Variants in YJEFN3 observed in about 807,000 individuals in gnomAD.
The protein encoded by YJEFN3 is YjeF N-terminal domain containing 3.
A neutral mutation model predicts 31.5 loss-of-function variants in YJEFN3; 29 were observed. That is an observed-to-expected ratio of 0.92 (90% CI 0.69 to 1.26). The LOEUF (loss-of-function observed/expected upper bound fraction) is 1.26. Among genes scored for constraint, YJEFN3 ranks in the 50% most tolerant of loss-of-function variants. YJEFN3 has a pLI of 0.00. For missense variants in YJEFN3, 442 were observed against 425.4 expected, an observed-to-expected ratio of 1.04 and a Z score of -0.34; for synonymous variants, 227 against 196.1, an observed-to-expected ratio of 1.16 and a Z score of -1.32.
chr19:19,533,816 G>A (rs951015867), intron 3 of YJEFN3: 5 of 985,420 alleles, frequency 5.1e-6, no homozygotes, highest in South Asian at 9.4e-5. Flanking sequence ...CTCGCCTGGC[G>A]CTCAGTGGCC....
rs1258622361 is a variant in YJEFN3 at position 19,528,940 on chromosome 19, G to A, written c.8G>A (p.Ser3Asn). The A allele has an allele frequency of 2.6e-6, 4 of 1,548,796 alleles. No individual in the cohort carries two copies. Among genetic ancestry groups the A allele is most frequent in the Non-Finnish European group, 3.5e-6 (4 of 1,146,346 alleles). Residue 3 changes from serine to asparagine, a missense_variant, in exon 1 of 7, where the codon AGC becomes AAC. Physicochemically the swap from Ser to Asn is conservative, Grantham distance 46. Coordinates refer to ENST00000514277, the MANE Select transcript of YJEFN3 (RefSeq NM_198537.4). MS[S>N]AAGPDPSEAP... ...CCCGGGCTCACCTCGGCCATGAGCAGCGCAGCCGGCCCAGACCCGTCGGAG... is the reference window on the plus strand; with the variant it reads ...CCCGGGCTCACCTCGGCCATGAGCAACGCAGCCGGCCCAGACCCGTCGGAG...
intron 2 of YJEFN3, among the ~76,000 whole-genome samples, chr19:19,529,958 G>C (rs1339088868): frequency 6.6e-6 from 1 of 152,182 alleles, no homozygotes; most frequent in African/African-American, 2.4e-5. Context: ...TCTGGTGTTC[G>C]AGTTTTCAAA....
chr19:19,529,345 C>A lies in YJEFN3; in HGVS notation c.60-19C>A. ...CCGAACCCCAACCGTGGCCCACCCC[C>A]ACTCTCCATCTCTCCCAGGGCCTTG... On this transcript the variant is annotated intron_variant, in intron 1 of 6. Coordinates refer to ENST00000514277, the MANE Select transcript of YJEFN3 (RefSeq NM_198537.4). 1.2e-6 allele frequency: 2 copies of A among 1,600,936 alleles called. No individual in the cohort carries two copies. Among genetic ancestry groups the A allele is most frequent in the Admixed American group, 1.7e-5 (1 of 58,304 alleles).
intron 2 of YJEFN3, among the ~76,000 whole-genome samples, chr19:19,530,990 A>G (rs142702329): frequency 1.0e-3 from 152 of 152,236 alleles, no homozygotes; most frequent in African/African-American, 3.5e-3. Flanking sequence ...CCCCTTGAAC[A>G]TACCAGGCTC....
intron 2 of YJEFN3, 78 bp downstream of exon 2, chr19:19,529,591 A>ACCC: frequency 6.4e-7 from 1 of 1,550,936 alleles, no homozygotes; most frequent in Non-Finnish European, 8.7e-7. Flanking sequence ...GTGACATGGG[A>ACCC]CCCCAGGCAA....
chr19:19,529,632 T>C, intron 2 of YJEFN3, 119 bp downstream of exon 2: 1 of 1,359,154 alleles, frequency 7.4e-7, no homozygotes, highest in Non-Finnish European at 1.0e-6. Context: ...ACCAGATGCG[T>C]CCAACAGCTC....
At chr19:19,536,709 C>T (rs2061213220) in intron 6 of YJEFN3, among the ~76,000 whole-genome samples, 1 of 151,766 alleles carries the variant, frequency 6.6e-6, no homozygotes, top group Non-Finnish European at 1.5e-5. Flanking sequence ...CAATGGCTCA[C>T]ACCCATAATC....
At chr19:19,532,812 G>A in intron 3 of YJEFN3, 72 bp downstream of exon 3, 1 of 1,309,412 alleles carries the variant, frequency 7.6e-7, no homozygotes, top group Admixed American at 2.2e-5. Flanking sequence ...TGACTGCTGT[G>A]ACCAGGGTGG....
chr19:19,528,990 A>G lies in YJEFN3; in HGVS notation c.58A>G (p.Arg20Gly). ...SEAPEERHFL[R>G]ALELQPPLAD... The stretch of plus-strand genomic sequence containing the variant: ...GGCGCCCGAAGAGCGGCATTTCCTC[A>G]GGTCAGCTGGGGAGAGGGAAGCTGG... Residue 20 changes from arginine to glycine, a missense_variant and splice_region_variant, in exon 1 of 7, where the codon AGG becomes GGG. Coordinates refer to ENST00000514277, the MANE Select transcript of YJEFN3 (RefSeq NM_198537.4). 1 of 1,550,672 alleles carries G rather than the reference A, an allele frequency of 6.4e-7. No homozygotes were observed.
Position 19,529,051 on chromosome 19 carries a change from C to G in YJEFN3, c.59+60C>G, listed in dbSNP as rs1294427474. The G allele has an allele frequency of 5.2e-6, 8 of 1,542,182 alleles. No homozygotes were observed. The Admixed American group carries it at 1.6e-4, about 31-fold the overall frequency. On this transcript the variant is annotated intron_variant, in intron 1 of 6. Transcript: ENST00000514277. ...GGTTCCCATGGGGCCAGGAGCAGCCCGTAGGACCGGAGGCAGGGTCATAGC... is the reference window on the plus strand; with the variant it reads ...GGTTCCCATGGGGCCAGGAGCAGCCGGTAGGACCGGAGGCAGGGTCATAGC...
rs56747140 is a variant in YJEFN3, at chr19:19,531,718, CTTTTTTTT to C, written c.210-891_210-884del. 5.5e-3 allele frequency among the ~76,000 whole-genome samples: 417 copies of C among 75,840 alleles called. 6 individuals are homozygous for C. The highest frequency in any genetic ancestry group is 0.028 in the African/African-American group (375 of 13,234). The allele number at this position is 75,840 out of a possible 152,430, so 49.8% of individuals were successfully genotyped here. A position where few individuals can be genotyped will look rare whatever the true frequency, so the allele number is the denominator to read the frequency against. The stretch of plus-strand genomic sequence containing the variant: ...GCCACATTTTCTGGCAACAAATAAC[CTTTTTTTT>C]TTTTTTTTTTTTTTTTTTTTTTGGA... On this transcript the variant is annotated intron_variant, in intron 2 of 6. Transcript: ENST00000514277.
rs751597745 is a variant in YJEFN3, at chr19:19,532,659, G to A, written c.237G>A (p.Arg79=). ...QSTAEAAALE[R]ELLEDYRFGR... is the part of the protein sequence containing the mutation. ...CCGCGGAGGCAGCCGCCCTGGAGCG[G>A]GAGCTGCTGGAGGATTATCGCTTTG... The change falls in exon 3 of 7, where the codon CGG becomes CGA. Residue 79 remains arginine, a synonymous_variant. Coordinates refer to ENST00000514277, the MANE Select transcript of YJEFN3 (RefSeq NM_198537.4). The A allele has an allele frequency of 1.3e-6, 2 of 1,565,700 alleles. No homozygotes were observed. Among genetic ancestry groups the A allele is most frequent in the East Asian group, 2.4e-5 (1 of 42,412 alleles).
At chr19:19,532,300 CCTTGGGAGCTGGGGACGTCTAG>C (rs2061164221) in intron 2 of YJEFN3, among the ~76,000 whole-genome samples, 1 of 152,276 alleles carries the variant, frequency 6.6e-6, no homozygotes, top group Non-Finnish European at 1.5e-5. Flanking sequence ...GTTCCCTCCG[CCTTGGGAGCTGGGGACGTCTAG>C]GTCCGGTTCC....
At chr19:19,535,222 A>AG (rs1266493921) in intron 4 of YJEFN3, 78 bp downstream of exon 4, 1 of 1,514,598 alleles carries the variant, frequency 6.6e-7, no homozygotes, top group Non-Finnish European at 9.0e-7. Context: ...ATAGCTTCCC[A>AG]GGGGGACATT....
chr19:19,535,764 G>A (rs1220974698), intron 6 of YJEFN3, 85 bp downstream of exon 6: 1 of 1,490,156 alleles, frequency 6.7e-7, no homozygotes, highest in Non-Finnish European at 9.0e-7. Context: ...GCCCCTGCCT[G>A]TCTGAACCTC....
At chr19:19,535,824 AC>A in intron 6 of YJEFN3, 145 bp downstream of exon 6, 1 of 1,110,376 alleles carries the variant, frequency 9.0e-7, no homozygotes, top group Non-Finnish European at 1.3e-6. Context: ...TAAGGGTCAC[AC>A]CCATCCCTCT....
rs1013771521 is a variant in YJEFN3, at chr19:19,528,972, G to A, written c.40G>A (p.Glu14Lys). 28 of 1,550,326 alleles carry A rather than the reference G, an allele frequency of 1.8e-5. No homozygotes were observed. The highest frequency in any genetic ancestry group is 2.1e-5 in the Non-Finnish European group (24 of 1,146,798). Reference sequence around the variant, plus strand: ...CGGCCCAGACCCGTCGGAGGCGCCCGAAGAGCGGCATTTCCTCAGGTCAGC... The same window carrying A: ...CGGCCCAGACCCGTCGGAGGCGCCCAAAGAGCGGCATTTCCTCAGGTCAGC... Reference protein sequence around the residue: ...AAGPDPSEAPEERHFLRALEL... With the variant: ...AAGPDPSEAPKERHFLRALEL... The change falls in exon 1 of 7, where the codon GAA becomes AAA. Residue 14 changes from glutamate (E) to lysine (K), a missense_variant. By Grantham distance (56) the Glu-to-Lys change is moderately conservative. Coordinates refer to ENST00000514277, the MANE Select transcript of YJEFN3 (RefSeq NM_198537.4).
At chr19:19,537,161 TGGG>T in intron 6 of YJEFN3, 155 bp from the exon 7 acceptor site, 1 of 568,516 alleles carries the variant, frequency 1.8e-6, no homozygotes, top group Non-Finnish European at 2.8e-6. Flanking sequence ...CTGGGTCTGA[TGGG>T]GGAGGGGAAG....
chr19:19,534,861 A>G lies in YJEFN3; in HGVS notation c.319-173A>G. ...CGGGCCTCTGCATCTCCAGCGGGGAAACTGAGGCCCCAAGAGGCCCAACCC... is the reference window on the plus strand; with the variant it reads ...CGGGCCTCTGCATCTCCAGCGGGGAGACTGAGGCCCCAAGAGGCCCAACCC... On this transcript the variant is annotated intron_variant, in intron 3 of 6. Transcript: ENST00000514277. This position sits in a 1 kb window ranked among gnomAD's most constrained non-coding sequence, Gnocchi z 4.6. 2.2e-6 allele frequency: 1 copy of G among 448,372 alleles called. No homozygotes were observed. Among genetic ancestry groups the G allele is most frequent in the Non-Finnish European group, 3.9e-6 (1 of 259,378 alleles). 27.8% of individuals were successfully genotyped at this position (448,372 alleles called of 1,614,324 possible).
Sources: gnomAD v4.1 joint callset for allele counts (sites outside exome capture counted in the v4.1 genomes callset) on GRCh38, gnomAD v4.1.1 for gene constraint, Gnocchi (gnomAD v3.1) non-coding constraint, MANE v1.5 for transcripts, NCBI Gene and HGNC (gene_info 2026-07-23, HGNC 2026-07-21) for gene names.